Variants in CNTNAP2 observed in about 807,000 individuals in gnomAD.
The protein encoded by CNTNAP2 is contactin-associated protein-like 2.
Under a neutral mutation model 155.2 loss-of-function variants are expected in CNTNAP2, and 98 were observed. The ratio of observed to expected loss-of-function variants is 0.63; its 90% CI spans 0.54 to 0.75. The LOEUF (loss-of-function observed/expected upper bound fraction) is 0.75. CNTNAP2 is among the 30% of genes least tolerant of loss of function. The pLI, the probability that CNTNAP2 is intolerant of heterozygous loss-of-function variation, is 0.00. For missense variants in CNTNAP2, 1,727 were observed against 1,688.1 expected, an observed-to-expected ratio of 1.02 and a Z score of -0.40; for synonymous variants, 651 against 631.2, an observed-to-expected ratio of 1.03 and a Z score of -0.47.
rs182477532 is a variant in CNTNAP2 at position 148,119,740 on chromosome 7, G to A, written c.2554+1452G>A. On this transcript the variant is annotated intron_variant, in intron 16 of 23. Transcript: ENST00000361727. ...TCCTAATTTTCTGATTTATAAAAAGGAAATGTTAATTTGTGGGATTGTGAT... is the reference window on the plus strand; with the variant it reads ...TCCTAATTTTCTGATTTATAAAAAGAAAATGTTAATTTGTGGGATTGTGAT... 5.5e-3 allele frequency among the ~76,000 whole-genome samples: 838 copies of A among 152,188 alleles called. 2 individuals are homozygous for A. The highest frequency in any genetic ancestry group is 8.2e-3 in the Non-Finnish European group (559 of 68,006).
intron 14 of CNTNAP2, among the ~76,000 whole-genome samples, chr7:147,952,551 C>T (rs371070770): frequency 9.9e-5 from 15 of 151,844 alleles, no homozygotes; most frequent in Non-Finnish European, 1.5e-4. Flanking sequence ...ATTAAATGTA[C>T]GCCTATCATA....
At chr7:146,282,611 A>G (rs537505960) in intron 1 of CNTNAP2, among the ~76,000 whole-genome samples, 2 of 152,332 alleles carry the variant, frequency 1.3e-5, no homozygotes, top group South Asian at 2.1e-4. Flanking sequence ...GCTCTCAGAA[A>G]AATCACTAGA....
At chr7:146,669,647 C>T (rs2642522) in intron 1 of CNTNAP2, among the ~76,000 whole-genome samples, 122,773 of 151,804 alleles carry the variant, frequency 0.81, 50,239 homozygotes, top group South Asian at 0.91. Flanking sequence ...TAAAGGACTC[C>T]TTTGGAGCAG....
At chr7:147,741,473 C>T (rs1221658676) in intron 13 of CNTNAP2, among the ~76,000 whole-genome samples, 1 of 152,086 alleles carries the variant, frequency 6.6e-6, no homozygotes, top group Non-Finnish European at 1.5e-5. Flanking sequence ...AATAATTTTC[C>T]ATAATATGGA....
At chr7:147,930,263 TC>T (rs137938171) in intron 14 of CNTNAP2, among the ~76,000 whole-genome samples, 1,844 of 152,068 alleles carry the variant, frequency 0.012, 43 homozygotes, top group African/African-American at 0.042. Context: ...GACTCCCCAA[TC>T]AAAAGACAGA....
At chr7:148,123,739 GAA>G (rs1386294568) in intron 16 of CNTNAP2, among the ~76,000 whole-genome samples, 2 of 149,336 alleles carry the variant, frequency 1.3e-5, no homozygotes, top group Non-Finnish European at 2.9e-5. Flanking sequence ...AAGGAAGAAA[GAA>G]AGAAAAGAAA....
At chr7:146,657,870 A>C (rs940491217) in intron 1 of CNTNAP2, among the ~76,000 whole-genome samples, 1 of 152,186 alleles carries the variant, frequency 6.6e-6, no homozygotes, top group Non-Finnish European at 1.5e-5. Context: ...AACAATAACA[A>C]AAAAGTGGTA....
At chr7:147,622,757 T>C (rs1794889516) in intron 12 of CNTNAP2, among the ~76,000 whole-genome samples, 1 of 151,646 alleles carries the variant, frequency 6.6e-6, no homozygotes, top group African/African-American at 2.4e-5. Context: ...TTAAAATTAG[T>C]GGAAGAAAGA....
At chr7:146,253,069 C>T (rs145957000) in intron 1 of CNTNAP2, among the ~76,000 whole-genome samples, 289 of 152,260 alleles carry the variant, frequency 1.9e-3, no homozygotes, top group Non-Finnish European at 3.4e-3. Flanking sequence ...TTATGAGCCA[C>T]CACAATACTC....
intron 13 of CNTNAP2, among the ~76,000 whole-genome samples, chr7:147,657,332 G>A (rs1465793229): frequency 6.6e-6 from 1 of 152,118 alleles, no homozygotes; most frequent in African/African-American, 2.4e-5. Flanking sequence ...GAAGTGTAAT[G>A]TCATACAGCT....
At chr7:147,456,231 A>G (rs12703912) in intron 10 of CNTNAP2, among the ~76,000 whole-genome samples, 83,069 of 151,948 alleles carry the variant, frequency 0.55, 22,919 homozygotes, top group East Asian at 0.68. Flanking sequence ...GTGATTTAAT[A>G]TTATATTGGA....
At chr7:147,070,557 G>A (rs538073262) in intron 4 of CNTNAP2, among the ~76,000 whole-genome samples, 20 of 152,326 alleles carry the variant, frequency 1.3e-4, no homozygotes, top group African/African-American at 4.8e-4. Context: ...CTGATCCAGA[G>A]ATTACCCAAT....
At chr7:146,601,889 A>G (rs1396098612) in intron 1 of CNTNAP2, among the ~76,000 whole-genome samples, 1 of 152,070 alleles carries the variant, frequency 6.6e-6, no homozygotes, top group African/African-American at 2.4e-5. Flanking sequence ...AAGAAAATAA[A>G]AGATCTAAAT....
At chr7:148,008,130 G>A (rs957502935) in intron 15 of CNTNAP2, among the ~76,000 whole-genome samples, 52 of 151,910 alleles carry the variant, frequency 3.4e-4, no homozygotes, top group Admixed American at 2.6e-4. Flanking sequence ...TTGGGAGGCC[G>A]AGGTGGGTAG....
At chr7:148,088,123 G>A (rs1038724983) in intron 15 of CNTNAP2, among the ~76,000 whole-genome samples, 7 of 151,998 alleles carry the variant, frequency 4.6e-5, no homozygotes, top group Non-Finnish European at 1.0e-4. Context: ...CCAGCAGCAA[G>A]TTGAATCCTT....
chr7:146,841,747 C>G (rs1803728533), intron 3 of CNTNAP2, among the ~76,000 whole-genome samples: 1 of 152,032 alleles, frequency 6.6e-6, no homozygotes, highest in Non-Finnish European at 1.5e-5. Flanking sequence ...CATAATGTGC[C>G]AAGATAGTAA....
chr7:147,470,482 T>C (rs72503068), intron 10 of CNTNAP2, among the ~76,000 whole-genome samples: 19,745 of 150,916 alleles, frequency 0.13, 1,478 homozygotes, highest in East Asian at 0.29. Flanking sequence ...GTAGCTATGA[T>C]AGCGTCTTGG....
At chr7:147,541,658 G>T (rs762580230) in intron 11 of CNTNAP2, among the ~76,000 whole-genome samples, 1 of 152,138 alleles carries the variant, frequency 6.6e-6, no homozygotes, top group Non-Finnish European at 1.5e-5. Context: ...GGTTGAGCAG[G>T]TCATGAATTA....
chr7:146,153,138 G>A (rs1156998851), intron 1 of CNTNAP2, among the ~76,000 whole-genome samples: 1 of 151,912 alleles, frequency 6.6e-6, no homozygotes, highest in African/African-American at 2.4e-5. Flanking sequence ...TACTGGTTTT[G>A]TTTTGCTATT....
Sources: allele counts gnomAD v4.1 joint callset (sites outside exome capture counted in the v4.1 genomes callset), GRCh38; gene constraint gnomAD v4.1.1; transcripts MANE v1.5; gene names NCBI Gene and HGNC (gene_info 2026-07-23, HGNC 2026-07-21).